The following FUT9 variants were observed in gnomAD, a reference collection of about 807,000 sequenced individuals.
FUT9 encodes the protein fucosyltransferase 9, also known as 4-galactosyl-N-acetylglucosaminide 3-alpha-L-fucosyltransferase 9.
FUT9 carries 15 observed loss-of-function variants against 29.7 expected under a neutral mutation model. The ratio of observed to expected loss-of-function variants is 0.51; its 90% CI spans 0.34 to 0.78. The LOEUF is 0.78. Ranked by LOEUF, FUT9 falls within the 30% of genes least tolerant of loss-of-function variation. The pLI is 0.01. For missense variants in FUT9, 319 were observed against 425.4 expected (o/e 0.75, Z 2.20); for synonymous variants, 169 against 153.7 (o/e 1.10, Z -0.74).
chr6:96,131,843 G>T lies in FUT9; in HGVS notation c.-9+17716G>T, dbSNP rs544065222. Among the ~76,000 whole-genome samples the T allele has an allele frequency of 2.4e-4, 36 of 152,160 alleles. 2 individuals carry two copies. The South Asian group carries it at 7.5e-3, about 32-fold the overall frequency. ...AATAAGTAAACCATTTCTCTAACAT[G>T]TGGAGAGGAATTAGGGAAGGGGAGG... On this transcript the variant is annotated intron_variant, in intron 2 of 2. Coordinates refer to ENST00000302103, the MANE Select transcript of FUT9 (RefSeq NM_006581.4).
chr6:96,077,052 C>A (rs575117531), intron 1 of FUT9, among the ~76,000 whole-genome samples: 24 of 152,248 alleles, frequency 1.6e-4, no homozygotes, highest in African/African-American at 5.5e-4. Context: ...CCCTCCCCAG[C>A]CCTTGCCTTC....
intron 1 of FUT9, among the ~76,000 whole-genome samples, chr6:96,109,353 T>C (rs1175196701): frequency 1.3e-5 from 2 of 152,192 alleles, no homozygotes. Context: ...TTTTTCTTAA[T>C]CATTTGCACT....
intron 2 of FUT9, among the ~76,000 whole-genome samples, chr6:96,178,679 A>G (rs1460718744): frequency 6.6e-6 from 1 of 152,168 alleles, no homozygotes; most frequent in Non-Finnish European, 1.5e-5. Flanking sequence ...CATCATTTTT[A>G]GAATTATTTA....
intron 2 of FUT9, among the ~76,000 whole-genome samples, chr6:96,131,992 G>T (rs1772254162): frequency 6.6e-6 from 1 of 152,038 alleles, no homozygotes; most frequent in African/African-American, 2.4e-5. Flanking sequence ...GAGTCTCAGA[G>T]AAGTTAAAGA....
At chr6:96,123,554 T>A (rs1356587331) in intron 2 of FUT9, among the ~76,000 whole-genome samples, 1 of 152,194 alleles carries the variant, frequency 6.6e-6, no homozygotes, top group Non-Finnish European at 1.5e-5. Context: ...TGAGTCTTTT[T>A]CTGATTAACT....
intron 1 of FUT9, among the ~76,000 whole-genome samples, chr6:96,021,511 A>T (rs1722051559): frequency 6.6e-6 from 1 of 152,042 alleles, no homozygotes; most frequent in South Asian, 2.1e-4. Context: ...GATGCAGGGA[A>T]GGAGGTTATG....
At chr6:96,082,985 T>A (rs1448674198) in intron 1 of FUT9, among the ~76,000 whole-genome samples, 8 of 151,972 alleles carry the variant, frequency 5.3e-5, no homozygotes, top group African/African-American at 7.2e-5. Context: ...TCTTCAAAAA[T>A]TTTTTTAGCT....
chr6:96,040,492 G>A (rs1326274022), intron 1 of FUT9, among the ~76,000 whole-genome samples: 3 of 152,164 alleles, frequency 2.0e-5, no homozygotes, highest in Non-Finnish European at 4.4e-5. Context: ...AGAAGGTCAT[G>A]TGACATTCAG....
chr6:96,045,299 A>G (rs772016455), intron 1 of FUT9, among the ~76,000 whole-genome samples: 1 of 152,196 alleles, frequency 6.6e-6, no homozygotes, highest in African/African-American at 2.4e-5. Flanking sequence ...TATTAGAGAA[A>G]AGCAAGAGCT....
chr6:96,058,429 A>G (rs958118826), intron 1 of FUT9, among the ~76,000 whole-genome samples: 1 of 149,306 alleles, frequency 6.7e-6, no homozygotes, highest in Admixed American at 6.7e-5. Flanking sequence ...TTAAGAGAGT[A>G]AGAGTAAAAG....
intron 2 of FUT9, among the ~76,000 whole-genome samples, chr6:96,171,274 T>C (rs565385625): frequency 6.6e-6 from 1 of 152,304 alleles, no homozygotes; most frequent in Admixed American, 6.5e-5. Flanking sequence ...GAGTGACTCC[T>C]CAGACATTAA....
At position 96,203,997 on chromosome 6, in the gene FUT9, T is replaced by C; in HGVS notation, c.842T>C (p.Ile281Thr). ...TCTAGGGAAAACTATGAGAATTATATTCCAGCAGATTCATTCATTCATGTG... is the reference window on the plus strand; with the variant it reads ...TCTAGGGAAAACTATGAGAATTATACTCCAGCAGATTCATTCATTCATGTG... ...GPSRENYENYIPADSFIHVED... is the reference protein window; with the variant it reads ...GPSRENYENYTPADSFIHVED... The change falls in exon 3 of 3, where the codon ATT (isoleucine) becomes ACT (threonine). Residue 281 changes from isoleucine (I) to threonine (T), a missense_variant. Transcript: ENST00000302103. 6.2e-7 allele frequency: 1 copy of C among 1,610,584 alleles called. No homozygotes were observed. The highest frequency in any genetic ancestry group is 8.5e-7 in the Non-Finnish European group (1 of 1,178,898).
At chr6:96,124,033 A>G (rs1453635581) in intron 2 of FUT9, among the ~76,000 whole-genome samples, 1 of 152,130 alleles carries the variant, frequency 6.6e-6, no homozygotes, top group African/African-American at 2.4e-5. Context: ...AAATTGCTAA[A>G]GAAAACTTAT....
chr6:96,130,193 C>A (rs1195310838), intron 2 of FUT9, among the ~76,000 whole-genome samples: 1 of 151,472 alleles, frequency 6.6e-6, no homozygotes, highest in East Asian at 1.9e-4. Flanking sequence ...TTAGACAAGG[C>A]AGTATGAGAA....
At chr6:96,058,927 A>T (rs184340779) in intron 1 of FUT9, among the ~76,000 whole-genome samples, 14 of 152,312 alleles carry the variant, frequency 9.2e-5, no homozygotes, top group African/African-American at 3.4e-4. Flanking sequence ...TTATATTGGG[A>T]CTAATGATAT....
chr6:96,111,985 G>C (rs1771817562), intron 1 of FUT9, among the ~76,000 whole-genome samples: 1 of 152,238 alleles, frequency 6.6e-6, no homozygotes, highest in African/African-American at 2.4e-5. Flanking sequence ...GCTATACACA[G>C]TTTCAACAAA....
intron 1 of FUT9, among the ~76,000 whole-genome samples, chr6:96,035,245 A>T: frequency 6.6e-6 from 1 of 151,542 alleles, no homozygotes; most frequent in Admixed American, 6.6e-5. Flanking sequence ...GAGAAGGACA[A>T]AGTCAGAGAG....
At chr6:96,024,019 C>G (rs2078272668) in intron 1 of FUT9, among the ~76,000 whole-genome samples, 1 of 151,870 alleles carries the variant, frequency 6.6e-6, no homozygotes, top group South Asian at 2.1e-4. Context: ...ATATTAATTA[C>G]TATACAATCG....
At chr6:96,117,018 C>T (rs1232605874) in intron 2 of FUT9, among the ~76,000 whole-genome samples, 2 of 152,020 alleles carry the variant, frequency 1.3e-5, no homozygotes, top group Non-Finnish European at 2.9e-5. Context: ...GACAAGTGAA[C>T]CTAACCATCT....
Sources: gnomAD v4.1 joint callset for allele counts (sites outside exome capture counted in the v4.1 genomes callset) on GRCh38, gnomAD v4.1.1 for gene constraint, MANE v1.5 for transcripts, NCBI Gene and HGNC (gene_info 2026-07-23, HGNC 2026-07-21) for gene names.